The following TTC34 variants were observed in gnomAD, a reference collection of about 807,000 sequenced individuals.
TTC34 encodes the protein tetratricopeptide repeat protein 34.
In TTC34, 44 loss-of-function variants were observed where a neutral mutation model predicts 40.7. The observed-to-expected ratio is 1.08, with a 90% CI of 0.85 to 1.39. The LOEUF is 1.39. TTC34 is among the 40% of genes most tolerant of loss of function. TTC34 has a pLI of 0.00. For missense variants in TTC34, 884 were observed against 838.0 expected (o/e 1.05, Z -0.68); for synonymous variants, 422 against 398.6 (o/e 1.06, Z -0.70).
chr1:2,756,773 A>G (rs1641521460), intron 6 of TTC34, among the ~76,000 whole-genome samples: 9 of 148,710 alleles, frequency 6.1e-5, no homozygotes, highest in Non-Finnish European at 7.4e-5. Context: ...GACAGCCTGG[A>G]ACAGCATCCA....
intron 6 of TTC34, among the ~76,000 whole-genome samples, chr1:2,777,545 A>T (rs982384100): frequency 1.3e-5 from 2 of 152,184 alleles, no homozygotes; most frequent in Admixed American, 6.5e-5. Context: ...CCTGCATGTT[A>T]CCTGTGGTGA....
intron 6 of TTC34, among the ~76,000 whole-genome samples, chr1:2,751,794 G>T (rs1641329320): frequency 7.6e-6 from 1 of 131,372 alleles, no homozygotes; most frequent in African/African-American, 3.2e-5. Flanking sequence ...TGACAGCCTG[G>T]AGCAGCAGCC....
At chr1:2,787,982 A>G (rs1164819063) in intron 3 of TTC34, among the ~76,000 whole-genome samples, 1 of 152,232 alleles carries the variant, frequency 6.6e-6, no homozygotes, top group Non-Finnish European at 1.5e-5. Context: ...ACCCTGCCTC[A>G]GTTTCCTTTT....
intron 6 of TTC34, among the ~76,000 whole-genome samples, chr1:2,686,677 C>G (rs1640366267): frequency 6.7e-6 from 1 of 150,348 alleles, no homozygotes; most frequent in South Asian, 2.1e-4. Flanking sequence ...GAACAGCACC[C>G]TGCACCCCCA....
At chr1:2,759,673 CAA>C (rs1641628338) in intron 6 of TTC34, among the ~76,000 whole-genome samples, 7 of 130,500 alleles carry the variant, frequency 5.4e-5, no homozygotes, top group Admixed American at 1.5e-4. Flanking sequence ...GGAGCAGCAC[CAA>C]CAACCCCAGG....
intron 2 of TTC34, among the ~76,000 whole-genome samples, chr1:2,792,033 T>TTTTTTTTTTTTA (rs1553171534): frequency 2.8e-5 from 3 of 107,102 alleles, no homozygotes; most frequent in Admixed American, 1.0e-4. Context: ...TTTTTTTTTT[T>TTTTTTTTTTTTA]AAAGACAGGG....
At chr1:2,785,907 G>C in exon 5 of TTC34, 2 of 1,537,208 alleles carry the variant, frequency 1.3e-6, no homozygotes, top group Non-Finnish European at 1.8e-6. Flanking sequence ...CCCGCAGGAT[G>C]GCCAGGGCCC....
chr1:2,790,628 G>A (rs1221519888), intron 2 of TTC34, among the ~76,000 whole-genome samples: 2 of 152,212 alleles, frequency 1.3e-5, no homozygotes, highest in Non-Finnish European at 2.9e-5. Flanking sequence ...GTGCTCTCAG[G>A]GTGGGTTCAG....
intron 6 of TTC34, among the ~76,000 whole-genome samples, chr1:2,759,530 C>T (rs1641622215): frequency 4.0e-5 from 6 of 150,598 alleles, no homozygotes; most frequent in African/African-American, 9.9e-5. Context: ...CCCAGATGAG[C>T]ATCTGACAGC....
In TTC34 at chr1:2,645,646, T is replaced by A; in HGVS notation, c.2227-83A>T. 2.2e-6 allele frequency: 3 copies of A among 1,340,380 alleles called. No individual in the cohort carries two copies. The South Asian group carries it at 5.0e-5, about 22-fold the overall frequency. The allele number at this position is 1,340,380 out of a possible 1,614,324, so 83.0% of individuals were successfully genotyped here. A position where few individuals can be genotyped will look rare whatever the true frequency, so the allele number is the denominator to read the frequency against. On this transcript the variant is annotated intron_variant, in intron 6 of 8. Transcript: ENST00000401095. The surrounding 1 kb of genome is among the most constrained non-coding windows in gnomAD (Gnocchi z 4.7). ...AGGGTCAGAGTAGGAGGACTGGCTCTGTCTTTCTCATTCCCTGATCTTCTC... is the reference window on the plus strand; with the variant it reads ...AGGGTCAGAGTAGGAGGACTGGCTCAGTCTTTCTCATTCCCTGATCTTCTC...
chr1:2,749,533 AGCATCTGAACGCAAATAGCAGCAC>A, intron 6 of TTC34, among the ~76,000 whole-genome samples: 1 of 76,216 alleles, frequency 1.3e-5, no homozygotes, highest in East Asian at 4.2e-4. Context: ...TTCCCAGGCA[AGCATCTGAACGCAAATAGCAGCAC>A]CCACACCCCC....
chr1:2,753,753 T>C (rs1350734981), intron 6 of TTC34, among the ~76,000 whole-genome samples: 1 of 95,372 alleles, frequency 1.0e-5, no homozygotes, highest in Non-Finnish European at 1.9e-5. Flanking sequence ...AGCGAGCATC[T>C]GACAGCCTGG....
At chr1:2,642,634 A>C (rs1037188468) in intron 8 of TTC34, among the ~76,000 whole-genome samples, 7 of 152,164 alleles carry the variant, frequency 4.6e-5, no homozygotes, top group Non-Finnish European at 1.0e-4. Context: ...TCCTCCGCTC[A>C]AGAATCTGCA....
chr1:2,768,514 T>C (rs1291759705), intron 6 of TTC34, among the ~76,000 whole-genome samples: 1 of 151,324 alleles, frequency 6.6e-6, no homozygotes, highest in Non-Finnish European at 1.5e-5. Flanking sequence ...GGTGAGTGTC[T>C]GACAGCCTGG....
At chr1:2,775,345 C>G (rs1241770180) in intron 6 of TTC34, 2 of 150,852 alleles carry the variant, frequency 1.3e-5, no homozygotes, top group African/African-American at 5.0e-5. Context: ...GAACAGAACC[C>G]CGCTCTTCCA....
chr1:2,647,412 C>T (rs1639040567), intron 6 of TTC34, among the ~76,000 whole-genome samples: 1 of 152,094 alleles, frequency 6.6e-6, no homozygotes, highest in Non-Finnish European at 1.5e-5. Flanking sequence ...ATCCAGAGGT[C>T]AGGAGATCGA....
chr1:2,752,182 A>C (rs1641341298), intron 6 of TTC34, among the ~76,000 whole-genome samples: 2 of 120,432 alleles, frequency 1.7e-5, no homozygotes, highest in East Asian at 2.9e-4. Flanking sequence ...ACAGGTGAGC[A>C]TCTGACAGCC....
chr1:2,647,854 A>G (rs922878526), intron 6 of TTC34, among the ~76,000 whole-genome samples: 5 of 152,062 alleles, frequency 3.3e-5, no homozygotes, highest in Non-Finnish European at 5.9e-5. Flanking sequence ...AGATTGGATA[A>G]TTTCCTTAGA....
chr1:2,681,108 A>C (rs200385118), intron 6 of TTC34, among the ~76,000 whole-genome samples: 4 of 89,808 alleles, frequency 4.5e-5, no homozygotes, highest in Non-Finnish European at 7.7e-5. Context: ...CCACACCCCC[A>C]GGTGAGCATC....
Sources: gnomAD v4.1 joint callset for allele counts (sites outside exome capture counted in the v4.1 genomes callset) on GRCh38, gnomAD v4.1.1 for gene constraint, Gnocchi (gnomAD v3.1) non-coding constraint, MANE v1.5 for transcripts, NCBI Gene and HGNC (gene_info 2026-07-23, HGNC 2026-07-21) for gene names.